Variants in LYRM4 observed in about 807,000 individuals in gnomAD.
LYRM4 encodes LYR motif-containing protein 4.
LYRM4 carries 9 observed loss-of-function variants against 11.7 expected under a neutral mutation model. The observed-to-expected ratio is 0.77, with a 90% CI of 0.46 to 1.34. The LOEUF (loss-of-function observed/expected upper bound fraction) is 1.34, where lower values mean the gene tolerates loss of function less well. LYRM4 is among the 40% of genes most tolerant of loss of function. The probability of loss-of-function intolerance (pLI) is 0.00; values close to 1 mark genes in which losing one functional copy is unlikely to be tolerated. For synonymous variants in LYRM4, 42 were observed against 40.4 expected, an observed-to-expected ratio of 1.04 and a Z score of -0.15; for missense variants, 133 against 112.5, an observed-to-expected ratio of 1.18 and a Z score of -0.82.
At chr6:5,171,189 C>T (rs1407003065) in intron 2 of LYRM4, among the ~76,000 whole-genome samples, 4 of 151,778 alleles carry the variant, frequency 2.6e-5, no homozygotes, top group Non-Finnish European at 5.9e-5. Flanking sequence ...TTACAATAAC[C>T]ACAGATTATC....
At chr6:5,236,854 G>A (rs1388865392) in intron 1 of LYRM4, among the ~76,000 whole-genome samples, 3 of 152,018 alleles carry the variant, frequency 2.0e-5, no homozygotes, top group African/African-American at 7.3e-5. Flanking sequence ...CTATTTGGGA[G>A]CCTGAGGTGG....
At chr6:5,066,734 G>A in the LYRM4 span, 6 of 780,096 alleles carry the variant, frequency 7.7e-6, no homozygotes, top group Non-Finnish European at 1.3e-5. Context: ...TTTGCGCCAG[G>A]GTCTCAGCCA....
At chr6:5,151,289 TG>T (rs1294395984) in intron 2 of LYRM4, among the ~76,000 whole-genome samples, 1 of 152,158 alleles carries the variant, frequency 6.6e-6, no homozygotes, top group Non-Finnish European at 1.5e-5. Flanking sequence ...TTCACCATGT[TG>T]GCCAGGATGG....
At chr6:5,225,450 C>T (rs886607934) in intron 1 of LYRM4, among the ~76,000 whole-genome samples, 3 of 151,782 alleles carry the variant, frequency 2.0e-5, no homozygotes, top group Non-Finnish European at 4.4e-5. Flanking sequence ...CATTTTTTTT[C>T]CTTCACAAAC....
At chr6:5,250,184 A>G (rs953609873) in intron 1 of LYRM4, among the ~76,000 whole-genome samples, 1 of 152,010 alleles carries the variant, frequency 6.6e-6, no homozygotes, top group Admixed American at 6.6e-5. Flanking sequence ...TTTAATTATA[A>G]CAAGTATTTT....
At chr6:5,195,724 G>T (rs1761013919) in intron 2 of LYRM4, among the ~76,000 whole-genome samples, 1 of 152,112 alleles carries the variant, frequency 6.6e-6, no homozygotes, top group Non-Finnish European at 1.5e-5. Context: ...TCAATGACAG[G>T]AAAAGGGTGG....
At chr6:5,040,355 A>AGATACATG in the LYRM4 span, among the ~76,000 whole-genome samples, 1 of 130,104 alleles carries the variant, frequency 7.7e-6, no homozygotes, top group South Asian at 2.4e-4. Flanking sequence ...ATAGATAGAT[A>AGATACATG]CATACATACA....
the LYRM4 span, chr6:5,054,252 G>T: frequency 4.3e-6 from 1 of 231,822 alleles, no homozygotes; most frequent in Non-Finnish European, 7.2e-6. Flanking sequence ...TTCCACATAT[G>T]TTCCTGATTA....
rs1430861571 is a variant in LYRM4 at position 5,260,708 on chromosome 6, A to G, written c.26T>C (p.Val9Ala). MAASSRAQ[V>A]LSLYRAMLRE... ...CAGCATCGCCCGGTACAGAGATAAC[A>G]CTTGTGCGCGACTGGAGGCTGCCAT... Residue 9 changes from valine (V) to alanine (A), a missense_variant, in exon 1 of 3, where the codon GTG becomes GCG. Coordinates refer to ENST00000330636, the MANE Select transcript of LYRM4 (RefSeq NM_020408.6). 1.3e-6 allele frequency: 2 copies of G among 1,552,632 alleles called. No homozygotes were observed. Among genetic ancestry groups the G allele is most frequent in the Non-Finnish European group, 1.7e-6 (2 of 1,149,680 alleles).
chr6:5,057,519 C>T, the LYRM4 span, among the ~76,000 whole-genome samples: 2 of 151,954 alleles, frequency 1.3e-5, no homozygotes, highest in African/African-American at 4.8e-5. Flanking sequence ...GAGTTCGAGA[C>T]CAGCCTGGCC....
At chr6:5,085,153 C>T in the LYRM4 span, 1 of 344,634 alleles carries the variant, frequency 2.9e-6, no homozygotes, top group Non-Finnish European at 5.2e-6. Flanking sequence ...CGCATTCCAC[C>T]GGAGCACTCG....
Position 5,113,725 on chromosome 6 carries a change from TTC to T in LYRM4, c.208-4236_208-4235del, listed in dbSNP as rs1263227803. On this transcript the variant is annotated intron_variant, in intron 2 of 2. Transcript: ENST00000330636. ...GGTCCCAACAATTTCTTCCTTTCTT[TTC>T]TCTCTCTCTTTTTTTTTTTTTTAGA... 6.9e-3 allele frequency among the ~76,000 whole-genome samples: 612 copies of T among 89,338 alleles called. 5 individuals are homozygous for T. The highest frequency in any genetic ancestry group is 0.027 in the African/African-American group (586 of 21,984). The allele number at this position is 89,338 out of a possible 152,430, so 58.6% of individuals were successfully genotyped here. A position where few individuals can be genotyped will look rare whatever the true frequency, so the allele number is the denominator to read the frequency against.
At chr6:5,249,995 T>A (rs1561902292) in intron 1 of LYRM4, among the ~76,000 whole-genome samples, 1 of 152,220 alleles carries the variant, frequency 6.6e-6, no homozygotes, top group Non-Finnish European at 1.5e-5. Flanking sequence ...TCAAACAGAA[T>A]GTTTTGTAAT....
chr6:5,109,774 C>G (rs978257153), intron 2 of LYRM4, among the ~76,000 whole-genome samples: 2 of 152,208 alleles, frequency 1.3e-5, no homozygotes, highest in Non-Finnish European at 2.9e-5. Context: ...CTGGGTGACG[C>G]CTGCCTGCTG....
intron 2 of LYRM4, among the ~76,000 whole-genome samples, chr6:5,168,014 C>T (rs1349815823): frequency 3.3e-5 from 5 of 151,204 alleles, no homozygotes; most frequent in South Asian, 2.1e-4. Flanking sequence ...CTCCCACTGG[C>T]GGATGTGGGA....
chr6:5,255,711 T>C (rs1039339319), intron 1 of LYRM4, among the ~76,000 whole-genome samples: 1 of 152,090 alleles, frequency 6.6e-6, no homozygotes, highest in African/African-American at 2.4e-5. Flanking sequence ...CACCTTAAAC[T>C]AGGATTTCTC....
the LYRM4 span, among the ~76,000 whole-genome samples, chr6:5,080,544 C>G: frequency 2.6e-5 from 4 of 152,166 alleles, no homozygotes. Context: ...TCTACTCATT[C>G]ATAATTTTTG....
At chr6:5,048,462 A>G in the LYRM4 span, among the ~76,000 whole-genome samples, 6 of 152,058 alleles carry the variant, frequency 3.9e-5, no homozygotes, top group African/African-American at 1.4e-4. Flanking sequence ...CTACTGGCGC[A>G]TGACACCATG....
In LYRM4 at chr6:5,190,566, C is replaced by A. The variant is rs1760694667; in HGVS notation, c.207+26052G>T. Among the ~76,000 whole-genome samples, 8 of 152,254 alleles carry A rather than the reference C, an allele frequency of 5.3e-5. 1 individual carries two copies. The South Asian group carries it at 1.7e-3, about 32-fold the overall frequency. On this transcript the variant is annotated intron_variant, in intron 2 of 2. Coordinates refer to ENST00000330636, the MANE Select transcript of LYRM4 (RefSeq NM_020408.6). ...TGACTATCTCTCATGTGACTGAAAA[C>A]ACTGAATTCCAAAAACCAGTCATGT...
Sources: gnomAD v4.1 joint callset for allele counts (sites outside exome capture counted in the v4.1 genomes callset) on GRCh38, gnomAD v4.1.1 for gene constraint, MANE v1.5 for transcripts, NCBI Gene and HGNC (gene_info 2026-07-23, HGNC 2026-07-21) for gene names.